CERKL: variants seen among roughly 807,000 people sequenced by gnomAD.
The protein encoded by CERKL is ceramide kinase-like protein.
In CERKL, 61 loss-of-function variants were observed where a neutral mutation model predicts 63.4. The ratio of observed to expected loss-of-function variants is 0.96; its 90% CI spans 0.78 to 1.19. The LOEUF (loss-of-function observed/expected upper bound fraction) is 1.19. Ranked by LOEUF, CERKL falls within the 50% of genes most tolerant of loss-of-function variation. The pLI, the probability that CERKL is intolerant of heterozygous loss-of-function variation, is 0.00. For missense variants in CERKL, 675 were observed against 655.5 expected (o/e 1.03, Z -0.33); for synonymous variants, 250 against 230.5 (o/e 1.08, Z -0.77).
intron 3 of CERKL, among the ~76,000 whole-genome samples, chr2:181,569,881 A>G (rs1352723070): frequency 6.6e-6 from 1 of 152,166 alleles, no homozygotes; most frequent in Non-Finnish European, 1.5e-5. Context: ...AAAGAGGCGA[A>G]TGTCAGCTGA....
rs150919541 is a variant in CERKL, at chr2:181,591,828, T to C, written c.481+12009A>G. Among the ~76,000 whole-genome samples, 201 of 152,300 alleles carry C rather than the reference T, an allele frequency of 1.3e-3. 2 individuals are homozygous for C. In the Middle Eastern group the frequency reaches 0.014, roughly 10 times the overall value. Reference sequence around the variant, plus strand: ...CAAGAGTCTACAAGGTATGACCTCCTAACCACTAGGAGTATATTTAGCTCC... The same window carrying C: ...CAAGAGTCTACAAGGTATGACCTCCCAACCACTAGGAGTATATTTAGCTCC... On this transcript the variant is annotated intron_variant, in intron 2 of 12. Coordinates refer to ENST00000410087, the MANE Select transcript of CERKL (RefSeq NM_201548.5).
intron 3 of CERKL, among the ~76,000 whole-genome samples, chr2:181,572,704 T>G (rs971495071): frequency 2.0e-5 from 3 of 151,936 alleles, no homozygotes; most frequent in African/African-American, 7.2e-5. Flanking sequence ...TCCTCTTGAG[T>G]TTTTCATGGT....
chr2:181,644,500 G>A lies in CERKL; in HGVS notation c.238+12269C>T, dbSNP rs534064132. On this transcript the variant is annotated intron_variant, in intron 1 of 12. Coordinates refer to ENST00000410087, the MANE Select transcript of CERKL (RefSeq NM_201548.5). ...TTTTCTGAATTGATGATGCTCTTTC[G>A]TAAACACAGTTTATATTATAATGGC... Among the ~76,000 whole-genome samples, 30 of 152,296 alleles carry A rather than the reference G, an allele frequency of 2.0e-4. No individual in the cohort carries two copies. In the South Asian group the frequency reaches 2.3e-3, roughly 12 times the overall value.
chr2:181,609,187 C>A (rs1036915684), intron 1 of CERKL, among the ~76,000 whole-genome samples: 1 of 151,484 alleles, frequency 6.6e-6, no homozygotes, highest in Non-Finnish European at 1.5e-5. Flanking sequence ...ACATGTGCCA[C>A]GCTGGTGTGC....
chr2:181,630,187 G>T (rs1177310960), intron 1 of CERKL, among the ~76,000 whole-genome samples: 1 of 151,904 alleles, frequency 6.6e-6, no homozygotes, highest in African/African-American at 2.4e-5. Flanking sequence ...AGAGGTGAAC[G>T]CCACCAAGCC....
intron 2 of CERKL, among the ~76,000 whole-genome samples, chr2:181,596,641 A>T (rs183459901): frequency 6.6e-6 from 1 of 152,242 alleles, no homozygotes. Context: ...ATAATATTTA[A>T]TAAGAATATA....
chr2:181,595,372 TGC>T (rs776716072), intron 2 of CERKL, among the ~76,000 whole-genome samples: 27,622 of 152,158 alleles, frequency 0.18, 4,029 homozygotes, highest in African/African-American at 0.4. Context: ...CGGGTTGCCC[TGC>T]TTCAAGAGTT....
At chr2:181,604,506 T>A (rs1574490267) in intron 1 of CERKL, among the ~76,000 whole-genome samples, 1 of 152,060 alleles carries the variant, frequency 6.6e-6, no homozygotes, top group Non-Finnish European at 1.5e-5. Context: ...AAAAATAGAA[T>A]AAATGGAAGA....
chr2:181,630,134 C>A (rs953019069), intron 1 of CERKL, among the ~76,000 whole-genome samples: 26 of 152,128 alleles, frequency 1.7e-4, no homozygotes, highest in African/African-American at 6.3e-4. Context: ...TGGGCTGTAG[C>A]AATCCTCCAG....
intron 1 of CERKL, among the ~76,000 whole-genome samples, chr2:181,613,514 T>G (rs1052409753): frequency 3.9e-5 from 6 of 152,210 alleles, no homozygotes; most frequent in African/African-American, 1.4e-4. Context: ...CCTGCATTTG[T>G]GTACAGATCA....
At chr2:181,545,413 A>C (rs1289382012) in intron 10 of CERKL, among the ~76,000 whole-genome samples, 1 of 152,218 alleles carries the variant, frequency 6.6e-6, no homozygotes, top group African/African-American at 2.4e-5. Flanking sequence ...ATTTAGTGCC[A>C]AAACAGCCAC....
chr2:181,549,434 C>T (rs1687888498), intron 6 of CERKL, among the ~76,000 whole-genome samples, 200 bp downstream of exon 6: 1 of 152,170 alleles, frequency 6.6e-6, no homozygotes, highest in Admixed American at 6.6e-5. Flanking sequence ...TCATTTACTG[C>T]TCTTTACAAA....
At chr2:181,594,743 G>C (rs1353704669) in intron 2 of CERKL, among the ~76,000 whole-genome samples, 3 of 152,050 alleles carry the variant, frequency 2.0e-5, no homozygotes, top group Non-Finnish European at 4.4e-5. Context: ...TTGCTTTAAA[G>C]ATGATCGACA....
At chr2:181,628,062 T>C (rs747640323) in intron 1 of CERKL, among the ~76,000 whole-genome samples, 13 of 150,438 alleles carry the variant, frequency 8.6e-5, no homozygotes, top group Non-Finnish European at 1.6e-4. Flanking sequence ...TGTCTTGTCC[T>C]GAAGGTTTCA....
In CERKL at chr2:181,657,076, G is replaced by A; in HGVS notation, c.-70C>T. 2 of 1,370,698 alleles carry A rather than the reference G, an allele frequency of 1.5e-6. No individual in the cohort carries two copies. The highest frequency in any genetic ancestry group is 2.0e-6 in the Non-Finnish European group (2 of 989,636). 84.9% of individuals were successfully genotyped at this position (1,370,698 alleles called of 1,614,324 possible). On this transcript the variant is annotated 5_prime_UTR_variant, in exon 1 of 13. Coordinates refer to ENST00000410087, the MANE Select transcript of CERKL (RefSeq NM_201548.5). ...TTTGGAGAAGGAGGTGGAGGGCGCG[G>A]CAGCCCCAGCTCTAGCCGCGTCCAG...
intron 1 of CERKL, among the ~76,000 whole-genome samples, chr2:181,655,954 T>C (rs939583587): frequency 6.6e-6 from 1 of 152,236 alleles, no homozygotes; most frequent in Non-Finnish European, 1.5e-5. Context: ...AGTCTACTTA[T>C]AAGACTTGCA....
At chr2:181,598,542 C>G (rs1018498915) in intron 2 of CERKL, among the ~76,000 whole-genome samples, 1 of 152,096 alleles carries the variant, frequency 6.6e-6, no homozygotes, top group African/African-American at 2.4e-5. Context: ...GGTGCTTCTA[C>G]TGGACATCAG....
chr2:181,536,856 TG>T lies in CERKL; in HGVS notation c.*1327del. 2.3e-6 allele frequency: 1 copy of T among 430,664 alleles called. No homozygotes were observed. The highest frequency in any genetic ancestry group is 4.6e-6 in the Non-Finnish European group (1 of 215,690). 26.7% of individuals were successfully genotyped at this position (430,664 alleles called of 1,614,324 possible). A position where few individuals can be genotyped will look rare whatever the true frequency, so the allele number is the denominator to read the frequency against. On this transcript the variant is annotated 3_prime_UTR_variant, in exon 13 of 13. Coordinates refer to ENST00000410087, the MANE Select transcript of CERKL (RefSeq NM_201548.5). ...TGACTCTGCCTTCATAAGAGAGCTG[TG>T]GCCGAATTTTGAACATCTGTTATAG... is the stretch of plus-strand genomic sequence containing the variant.
At chr2:181,549,542 C>G in intron 6 of CERKL, 92 bp downstream of exon 6, 1 of 1,036,674 alleles carries the variant, frequency 9.6e-7, no homozygotes, top group South Asian at 1.3e-5. Context: ...AAGAACCTGC[C>G]TTTTCTTAAA....
Sources: gnomAD v4.1 joint callset for allele counts (sites outside exome capture counted in the v4.1 genomes callset) on GRCh38, gnomAD v4.1.1 for gene constraint, MANE v1.5 for transcripts, NCBI Gene and HGNC (gene_info 2026-07-23, HGNC 2026-07-21) for gene names.